The following RAP1GDS1 variants were observed in gnomAD, a reference collection of about 807,000 sequenced individuals.
RAP1GDS1 encodes the protein RAP1, GTP-GDP dissociation stimulator 1.
RAP1GDS1 carries 35 observed loss-of-function variants against 71.1 expected under a neutral mutation model. The observed-to-expected ratio is 0.49, with a 90% CI of 0.38 to 0.65. The LOEUF (loss-of-function observed/expected upper bound fraction) is 0.65, where lower values mean the gene tolerates loss of function less well. Among genes scored for constraint, RAP1GDS1 ranks in the 30% least tolerant of loss-of-function variants. The pLI is 0.00. For synonymous variants in RAP1GDS1, 229 were observed against 243.1 expected, an observed-to-expected ratio of 0.94 and a Z score of 0.54; for missense variants, 663 against 706.1, an observed-to-expected ratio of 0.94 and a Z score of 0.69.
intron 4 of RAP1GDS1, among the ~76,000 whole-genome samples, chr4:98,352,899 C>T (rs1737421418): frequency 6.6e-6 from 1 of 152,172 alleles, no homozygotes; most frequent in Non-Finnish European, 1.5e-5. Flanking sequence ...TGTGCATCTT[C>T]TCAATTAGGT....
chr4:98,345,551 G>C (rs1023029234), intron 3 of RAP1GDS1, among the ~76,000 whole-genome samples: 2 of 147,458 alleles, frequency 1.4e-5, no homozygotes, highest in Non-Finnish European at 1.5e-5. Flanking sequence ...ACTGATATGA[G>C]GCAAAGGACA....
At chr4:98,439,256 T>G in intron 14 of RAP1GDS1, among the ~76,000 whole-genome samples, 1 of 152,224 alleles carries the variant, frequency 6.6e-6, no homozygotes, top group East Asian at 1.9e-4. Context: ...CACTTTTTTC[T>G]AGCCTCCCTG....
intron 7 of RAP1GDS1, among the ~76,000 whole-genome samples, chr4:98,407,050 C>G (rs1305723995): frequency 6.6e-6 from 1 of 151,990 alleles, no homozygotes; most frequent in Non-Finnish European, 1.5e-5. Context: ...AATCAATGAG[C>G]CCAGTATTCA....
intron 4 of RAP1GDS1, among the ~76,000 whole-genome samples, chr4:98,363,113 C>G (rs186022987): frequency 6.6e-6 from 1 of 152,138 alleles, no homozygotes; most frequent in Admixed American, 6.5e-5. Context: ...AGAAAGTTCT[C>G]TCTGTGGATG....
chr4:98,313,849 G>C (rs958046162), intron 2 of RAP1GDS1, among the ~76,000 whole-genome samples: 2 of 151,950 alleles, frequency 1.3e-5, no homozygotes, highest in Admixed American at 1.3e-4. Flanking sequence ...CGTGTCTCAA[G>C]AAAAAGTAAG....
At chr4:98,378,330 C>T (rs1741482138) in intron 4 of RAP1GDS1, among the ~76,000 whole-genome samples, 1 of 151,812 alleles carries the variant, frequency 6.6e-6, no homozygotes. Flanking sequence ...GTTTGACCAT[C>T]ACTTGACCAC....
At chr4:98,418,333 G>A (rs1748311093) in intron 9 of RAP1GDS1, among the ~76,000 whole-genome samples, 1 of 152,180 alleles carries the variant, frequency 6.6e-6, no homozygotes, top group African/African-American at 2.4e-5. Flanking sequence ...AACATTGGGA[G>A]AACACAAGCA....
At chr4:98,373,374 C>T (rs753358289) in intron 4 of RAP1GDS1, among the ~76,000 whole-genome samples, 1 of 151,078 alleles carries the variant, frequency 6.6e-6, no homozygotes, top group Non-Finnish European at 1.5e-5. Flanking sequence ...TCTCTCTTTC[C>T]CTCTCTCTCC....
At chr4:98,296,178 A>G (rs1369163156) in intron 2 of RAP1GDS1, among the ~76,000 whole-genome samples, 3 of 152,108 alleles carry the variant, frequency 2.0e-5, no homozygotes, top group Non-Finnish European at 4.4e-5. Flanking sequence ...TTCTGTACAA[A>G]TATAAGATGG....
chr4:98,441,301 T>C (rs528552697), intron 14 of RAP1GDS1: 1 of 963,382 alleles, frequency 1.0e-6, no homozygotes, highest in Non-Finnish European at 1.2e-6. Flanking sequence ...ACAGGAATCC[T>C]ATATTTTCTT....
At chr4:98,277,048 A>G (rs191742505) in intron 1 of RAP1GDS1, among the ~76,000 whole-genome samples, 25 of 152,092 alleles carry the variant, frequency 1.6e-4, no homozygotes, top group Admixed American at 2.0e-4. Flanking sequence ...TGATCTCTCA[A>G]CTCCTATACT....
intron 2 of RAP1GDS1, among the ~76,000 whole-genome samples, chr4:98,331,858 G>T (rs1208113569): frequency 2.0e-5 from 3 of 152,132 alleles, no homozygotes; most frequent in Non-Finnish European, 4.4e-5. Flanking sequence ...CAAAACAGTA[G>T]CACAGGTCAC....
intron 7 of RAP1GDS1, among the ~76,000 whole-genome samples, chr4:98,406,305 A>G (rs1746111387): frequency 6.6e-6 from 1 of 152,004 alleles, no homozygotes; most frequent in African/African-American, 2.4e-5. Flanking sequence ...TACTTAAGCA[A>G]TACTTATTAA....
At chr4:98,406,166 CAT>C in intron 7 of RAP1GDS1, among the ~76,000 whole-genome samples, 1 of 151,944 alleles carries the variant, frequency 6.6e-6, no homozygotes, top group East Asian at 1.9e-4. Flanking sequence ...GAACACGAAT[CAT>C]AGAGGACAAA....
At chr4:98,280,892 T>C (rs1192855830) in intron 1 of RAP1GDS1, among the ~76,000 whole-genome samples, 1 of 152,240 alleles carries the variant, frequency 6.6e-6, no homozygotes, top group Non-Finnish European at 1.5e-5. Flanking sequence ...CTTGTTTTTC[T>C]GAGGTTTGTC....
intron 1 of RAP1GDS1, among the ~76,000 whole-genome samples, chr4:98,290,526 C>T (rs1247370221): frequency 6.6e-6 from 1 of 152,024 alleles, no homozygotes; most frequent in African/African-American, 2.4e-5. Context: ...GAAAACTCTT[C>T]CATTGCAGCA....
chr4:98,354,981 C>G (rs1332283419), intron 4 of RAP1GDS1, among the ~76,000 whole-genome samples: 1 of 152,082 alleles, frequency 6.6e-6, no homozygotes, highest in Non-Finnish European at 1.5e-5. Flanking sequence ...CTTTCTTACC[C>G]TTTTATTCAA....
chr4:98,420,102 T>G lies in RAP1GDS1; in HGVS notation c.1258T>G (p.Phe420Val). 1 of 1,597,740 alleles carries G rather than the reference T, an allele frequency of 6.3e-7. No individual in the cohort carries two copies. The highest frequency in any genetic ancestry group is 8.5e-7 in the Non-Finnish European group (1 of 1,171,754). The change falls in exon 11 of 15, where the codon TTC (phenylalanine) becomes GTC (valine). Residue 420 changes from phenylalanine (F) to valine (V), a missense_variant. Physicochemically the swap from Phe to Val is conservative, Grantham distance 50. Transcript: ENST00000408927. ...FLKSEMPPVQFKLLGTLRMLI... is the reference protein window; with the variant it reads ...FLKSEMPPVQVKLLGTLRMLI... The stretch of plus-strand genomic sequence containing the variant: ...TAAATCTGAAATGCCTCCTGTTCAG[T>G]TCAAACTTCTGGGAACATTAAGAAT...
Position 98,299,619 on chromosome 4 carries a change from GT to G in RAP1GDS1, c.112+6115del, listed in dbSNP as rs374591862. Among the ~76,000 whole-genome samples, 1,215 of 144,810 alleles carry G rather than the reference GT, an allele frequency of 8.4e-3. 15 individuals are homozygous for G. The highest frequency in any genetic ancestry group is 0.028 in the African/African-American group (1,124 of 39,732). ...TTCTTATAGATGAGAAAAGAAAGTG[GT>G]TTTTTTTTTTATTTGCTTTGGTTTT... On this transcript the variant is annotated intron_variant, in intron 2 of 14. Transcript: ENST00000408927.
Sources: gnomAD v4.1 joint callset for allele counts (sites outside exome capture counted in the v4.1 genomes callset) on GRCh38, gnomAD v4.1.1 for gene constraint, MANE v1.5 for transcripts, NCBI Gene and HGNC (gene_info 2026-07-23, HGNC 2026-07-21) for gene names.